Variants in HDAC4 observed in about 807,000 individuals in gnomAD.
The protein encoded by HDAC4 is histone deacetylase 4.
In HDAC4, 16 loss-of-function variants were observed where a neutral mutation model predicts 135.1. The ratio of observed to expected loss-of-function variants is 0.12; its 90% CI spans 0.08 to 0.18. The LOEUF (loss-of-function observed/expected upper bound fraction) is 0.18, where lower values mean the gene tolerates loss of function less well. Ranked by LOEUF, HDAC4 falls within the 10% of genes least tolerant of loss-of-function variation. The pLI is 1.00. For missense variants in HDAC4, 1,143 were observed against 1,511.8 expected, an observed-to-expected ratio of 0.76 and a Z score of 4.05; for synonymous variants, 685 against 653.4, an observed-to-expected ratio of 1.05 and a Z score of -0.74.
At chr2:239,142,273 G>C (rs549694286) in intron 8 of HDAC4, among the ~76,000 whole-genome samples, 1 of 152,228 alleles carries the variant, frequency 6.6e-6, no homozygotes, top group African/African-American at 2.4e-5. Flanking sequence ...TGCCTCCACC[G>C]CTCCATATGG....
chr2:239,086,987 G>C (rs986887804), intron 19 of HDAC4, among the ~76,000 whole-genome samples: 1 of 152,186 alleles, frequency 6.6e-6, no homozygotes, highest in East Asian at 1.9e-4. Flanking sequence ...CTGCGGGTCT[G>C]TCCTGCCACT....
chr2:239,206,247 G>A lies in HDAC4; in HGVS notation c.95-16170C>T, dbSNP rs117352727. 2.4e-4 allele frequency among the ~76,000 whole-genome samples: 36 copies of A among 152,328 alleles called. No individual in the cohort carries two copies. The East Asian group carries it at 6.7e-3, about 29-fold the overall frequency. ...GGAGGCTGAGGCGGGAAGATGGCCT[G>A]AGCGTGGGAGGCAGAGGCTGCAGTG... On this transcript the variant is annotated intron_variant, in intron 3 of 26. Transcript: ENST00000543185.
chr2:239,073,213 C>A (rs2034374779), intron 22 of HDAC4, among the ~76,000 whole-genome samples: 1 of 152,222 alleles, frequency 6.6e-6, no homozygotes, highest in Non-Finnish European at 1.5e-5. Context: ...GAGCAGTCTG[C>A]TTCTGTTCTT....
In HDAC4 at chr2:239,115,115, G is replaced by C; in HGVS notation, c.1729C>G (p.Pro577Ala). 6.2e-7 allele frequency: 1 copy of C among 1,611,834 alleles called. No homozygotes were observed. Among genetic ancestry groups the C allele is most frequent in the Non-Finnish European group, 8.5e-7 (1 of 1,179,942 alleles). ...TGGCCCGGCTCCACCTCCCGTGGGG[G>C]CTCTGCCTCTTCCTCATCGCTCTCA... ...PIESDEEEAE[P>A]PREVEPGQRQ... Residue 577 changes from proline (P) to alanine (A), a missense_variant, in exon 13 of 27, where the codon CCC becomes GCC. Pro to Ala is a conservative substitution (Grantham distance 27). Coordinates refer to ENST00000543185, the MANE Select transcript of HDAC4 (RefSeq NM_001378414.1). The surrounding 1 kb of genome is among the most constrained non-coding windows in gnomAD (Gnocchi z 6.3).
intron 1 of HDAC4, among the ~76,000 whole-genome samples, chr2:239,378,808 T>C (rs1467438550): frequency 6.6e-6 from 1 of 152,214 alleles, no homozygotes; most frequent in African/African-American, 2.4e-5. Flanking sequence ...ATGCATCTCC[T>C]ACTCTCCTTC....
chr2:239,274,315 A>G (rs931598116), intron 2 of HDAC4, among the ~76,000 whole-genome samples: 4 of 152,154 alleles, frequency 2.6e-5, no homozygotes, highest in Non-Finnish European at 5.9e-5. Flanking sequence ...AGGGGACCTC[A>G]TGGCCACTAA....
rs925563932 is a variant in HDAC4, at chr2:239,139,874, G to A, written c.866-78C>T. The A allele has an allele frequency of 1.2e-5, 15 of 1,221,252 alleles. No homozygotes were observed. The Admixed American group carries it at 2.1e-4, about 17-fold the overall frequency. The allele number at this position is 1,221,252 out of a possible 1,614,324, so 75.7% of individuals were successfully genotyped here. A position where few individuals can be genotyped will look rare whatever the true frequency, so the allele number is the denominator to read the frequency against. The stretch of plus-strand genomic sequence containing the variant: ...GTGCTGACCTGTGGCCCGAATGCCC[G>A]GTGCCTTCCACGGACCTGCTCGTTA... On this transcript the variant is annotated intron_variant, in intron 8 of 26. Coordinates refer to ENST00000543185, the MANE Select transcript of HDAC4 (RefSeq NM_001378414.1). This position sits in a 1 kb window ranked among gnomAD's most constrained non-coding sequence, Gnocchi z 5.3.
At chr2:239,108,017 C>A in intron 15 of HDAC4, 33 bp downstream of exon 15, 3 of 1,609,968 alleles carry the variant, frequency 1.9e-6, no homozygotes, top group Non-Finnish European at 2.5e-6. Flanking sequence ...GTGCCCAAAG[C>A]CGCAGCTGCC....
chr2:239,333,296 G>GA (rs1292962792), intron 2 of HDAC4, among the ~76,000 whole-genome samples: 1 of 151,960 alleles, frequency 6.6e-6, no homozygotes, highest in Non-Finnish European at 1.5e-5. Context: ...AGAAAAAAGG[G>GA]AAAAAAACGT....
In HDAC4 at chr2:239,098,303, A is replaced by T. The variant is rs375729367; in HGVS notation, c.2234-3247T>A. Among the ~76,000 whole-genome samples, 252 of 152,348 alleles carry T rather than the reference A, an allele frequency of 1.7e-3. 2 individuals are homozygous for T. The highest frequency in any genetic ancestry group is 5.8e-3 in the African/African-American group (243 of 41,582). ...GGTGACAGGGCCTGAAGCTCTGCAA[A>T]CGACCAGCCTTACTACTTGTCTGTT... On this transcript the variant is annotated intron_variant, in intron 16 of 26. Transcript: ENST00000543185.
intron 24 of HDAC4, among the ~76,000 whole-genome samples, chr2:239,063,979 A>G (rs1222542058): frequency 6.6e-6 from 1 of 152,186 alleles, no homozygotes; most frequent in African/African-American, 2.4e-5. Flanking sequence ...CACCGGGGCA[A>G]GGCACTGAGC....
At chr2:239,334,105 C>T (rs1245031116) in intron 2 of HDAC4, among the ~76,000 whole-genome samples, 1 of 152,160 alleles carries the variant, frequency 6.6e-6, no homozygotes, top group Non-Finnish European at 1.5e-5. Context: ...ATAATAAACA[C>T]TGTGCGAGGT....
chr2:239,084,349 C>G, intron 19 of HDAC4, 107 bp from the exon 20 acceptor site: 4 of 759,966 alleles, frequency 5.3e-6, no homozygotes, highest in Non-Finnish European at 9.3e-6. Flanking sequence ...TAAGAGGTCT[C>G]TGTGAGTGCA....
intron 2 of HDAC4, among the ~76,000 whole-genome samples, chr2:239,310,082 G>C (rs1312112119): frequency 2.6e-5 from 4 of 152,248 alleles, no homozygotes; most frequent in Non-Finnish European, 5.9e-5. Context: ...GTGCGTAGAG[G>C]TGCTCAGAAT....
chr2:239,119,565 G>A (rs1344497870), intron 12 of HDAC4, among the ~76,000 whole-genome samples: 6 of 151,250 alleles, frequency 4.0e-5, no homozygotes, highest in Admixed American at 2.6e-4. Flanking sequence ...CTGAGGGCGC[G>A]GGAACTGGAG....
intron 12 of HDAC4, among the ~76,000 whole-genome samples, chr2:239,125,155 C>A (rs1029131361): frequency 1.3e-5 from 2 of 152,230 alleles, no homozygotes; most frequent in African/African-American, 4.8e-5. Context: ...CCTGCTGAAG[C>A]CTAGCCCCCA....
At chr2:239,324,970 T>C (rs1457644933) in intron 2 of HDAC4, among the ~76,000 whole-genome samples, 1 of 152,124 alleles carries the variant, frequency 6.6e-6, no homozygotes, top group East Asian at 1.9e-4. Flanking sequence ...AGACACATGC[T>C]CTCTTACAGC....
At chr2:239,291,887 A>G (rs1439963688) in intron 2 of HDAC4, among the ~76,000 whole-genome samples, 4 of 152,214 alleles carry the variant, frequency 2.6e-5, no homozygotes, top group African/African-American at 9.6e-5. Flanking sequence ...ATTTGCATGA[A>G]AATAGAACCT....
intron 6 of HDAC4, among the ~76,000 whole-genome samples, chr2:239,159,248 C>T (rs1029039945): frequency 1.4e-4 from 21 of 150,402 alleles, no homozygotes; most frequent in African/African-American, 4.9e-4. Context: ...ACCTGACGCT[C>T]GCACCTACAC....
Sources: gnomAD v4.1 joint callset for allele counts (sites outside exome capture counted in the v4.1 genomes callset) on GRCh38, gnomAD v4.1.1 for gene constraint, Gnocchi (gnomAD v3.1) non-coding constraint, MANE v1.5 for transcripts, NCBI Gene and HGNC (gene_info 2026-07-23, HGNC 2026-07-21) for gene names.